The following RAB3GAP2 variants were observed in gnomAD, a reference collection of about 807,000 sequenced individuals.
The protein encoded by RAB3GAP2 is rab3 GTPase-activating protein non-catalytic subunit.
In RAB3GAP2, 87 loss-of-function variants were observed where a neutral mutation model predicts 185.3. That is an observed-to-expected ratio of 0.47 (90% confidence interval 0.39 to 0.56). The LOEUF is 0.56. Ranked by LOEUF, RAB3GAP2 falls within the 20% of genes least tolerant of loss-of-function variation. The pLI, the probability that RAB3GAP2 is intolerant of heterozygous loss-of-function variation, is 0.00. For synonymous variants in RAB3GAP2, 554 were observed against 576.1 expected, an observed-to-expected ratio of 0.96 and a Z score of 0.55; for missense variants, 1,492 against 1,638.2, an observed-to-expected ratio of 0.91 and a Z score of 1.54.
chr1:220,244,582 GAGCCCGCAT>G (rs1162632612), intron 1 of RAB3GAP2, among the ~76,000 whole-genome samples: 1 of 152,014 alleles, frequency 6.6e-6, no homozygotes, highest in African/African-American at 2.4e-5. Context: ...AACAAAAAAA[GAGCCCGCAT>G]AGCCAAAGCA....
intron 21 of RAB3GAP2, among the ~76,000 whole-genome samples, chr1:220,181,812 G>A (rs1359472289): frequency 1.3e-5 from 2 of 152,024 alleles, no homozygotes; most frequent in Non-Finnish European, 2.9e-5. Context: ...AGCTTTGAGC[G>A]GTCATGCGGG....
At chr1:220,181,047 C>T (rs908820020) in intron 21 of RAB3GAP2, among the ~76,000 whole-genome samples, 3 of 152,194 alleles carry the variant, frequency 2.0e-5, no homozygotes, top group East Asian at 3.8e-4. Flanking sequence ...ATTTACATTG[C>T]AGAAAGTATT....
intron 2 of RAB3GAP2, among the ~76,000 whole-genome samples, chr1:220,222,856 T>C (rs1019130225): frequency 5.3e-5 from 8 of 152,188 alleles, no homozygotes; most frequent in African/African-American, 1.4e-4. Context: ...ATGATGATCA[T>C]TTTTAGATGT....
At chr1:220,160,518 G>C (rs992854034) in intron 28 of RAB3GAP2, among the ~76,000 whole-genome samples, 2 of 152,156 alleles carry the variant, frequency 1.3e-5, no homozygotes, top group African/African-American at 4.8e-5. Flanking sequence ...CTTACCACAT[G>C]TGCCAGACCC....
In RAB3GAP2 at chr1:220,196,342, A is replaced by G; in HGVS notation, c.868T>C (p.Phe290Leu). 1.2e-6 allele frequency: 2 copies of G among 1,607,724 alleles called. No individual in the cohort carries two copies. The highest frequency in any genetic ancestry group is 1.7e-6 in the Non-Finnish European group (2 of 1,174,250). The change falls in exon 10 of 35, where the codon TTT becomes CTT. Residue 290 changes from phenylalanine to leucine, a missense_variant. Phe to Leu is a conservative substitution (Grantham distance 22). This residue lies in a region of RAB3GAP2 where 243 missense variants were observed against 314.8 expected (regional missense o/e 0.77). Transcript: ENST00000358951. Reference protein sequence around the residue: ...QMKTASNIGGFNAAIKNSPPA... With the variant: ...QMKTASNIGGLNAAIKNSPPA... Reference sequence around the variant, plus strand: ...GGACTATTTTTAATTGCTGCATTAAATCCACCTATATTGGAGGCAGTCTTC... The same window carrying G: ...GGACTATTTTTAATTGCTGCATTAAGTCCACCTATATTGGAGGCAGTCTTC...
chr1:220,166,407 AAGG>A (rs1457987903), intron 26 of RAB3GAP2, among the ~76,000 whole-genome samples: 9 of 152,232 alleles, frequency 5.9e-5, no homozygotes, highest in Admixed American at 5.9e-4. Context: ...GGAACTGACT[AAGG>A]AGGTCTAAGT....
At chr1:220,231,261 G>A (rs909176919) in intron 2 of RAB3GAP2, among the ~76,000 whole-genome samples, 4 of 152,122 alleles carry the variant, frequency 2.6e-5, no homozygotes, top group Non-Finnish European at 5.9e-5. Context: ...TTCCTGCCTT[G>A]AGACTTTGCA....
intron 1 of RAB3GAP2, among the ~76,000 whole-genome samples, chr1:220,264,431 AAG>A (rs1218236802): frequency 1.3e-5 from 2 of 152,064 alleles, no homozygotes; most frequent in Non-Finnish European, 1.5e-5. Flanking sequence ...TTACTATAAT[AAG>A]ACTACAAACG....
At chr1:220,152,627 G>C (rs1163923109) in intron 33 of RAB3GAP2, among the ~76,000 whole-genome samples, 1 of 152,094 alleles carries the variant, frequency 6.6e-6, no homozygotes, top group Admixed American at 6.6e-5. Context: ...TCTCCTTGGG[G>C]GCTCGGTTCA....
chr1:220,182,408 A>G, intron 20 of RAB3GAP2, 54 bp from the exon 21 acceptor site: 2 of 1,607,848 alleles, frequency 1.2e-6, no homozygotes, highest in Non-Finnish European at 1.7e-6. Context: ...CATTTGGACT[A>G]ACAATCTTAT....
intron 21 of RAB3GAP2, among the ~76,000 whole-genome samples, chr1:220,177,787 G>T (rs1249486611): frequency 6.6e-6 from 1 of 152,060 alleles, no homozygotes; most frequent in Non-Finnish European, 1.5e-5. Context: ...TGAATGAAAA[G>T]GAATGAACAA....
chr1:220,167,930 T>A (rs901154325), intron 24 of RAB3GAP2, among the ~76,000 whole-genome samples: 2 of 152,184 alleles, frequency 1.3e-5, no homozygotes, highest in Non-Finnish European at 2.9e-5. Flanking sequence ...TAAATGCACA[T>A]GCATATGTCT....
At chr1:220,160,210 G>C (rs186569965) in intron 28 of RAB3GAP2, among the ~76,000 whole-genome samples, 14 of 152,270 alleles carry the variant, frequency 9.2e-5, no homozygotes, top group African/African-American at 3.4e-4. Context: ...TACTTATTAA[G>C]ATTTTACTGT....
intron 21 of RAB3GAP2, among the ~76,000 whole-genome samples, chr1:220,175,239 T>C (rs565908676): frequency 4.2e-4 from 64 of 152,250 alleles, no homozygotes; most frequent in South Asian, 2.1e-3. Flanking sequence ...CTTTTCTTTT[T>C]TTTTTGAGAC....
intron 21 of RAB3GAP2, among the ~76,000 whole-genome samples, chr1:220,177,125 A>T (rs1658306377): frequency 6.6e-6 from 1 of 152,182 alleles, no homozygotes; most frequent in Non-Finnish European, 1.5e-5. Flanking sequence ...AGACTTCTGG[A>T]CCCAGGTCCC....
intron 2 of RAB3GAP2, among the ~76,000 whole-genome samples, chr1:220,221,467 G>A (rs898623289): frequency 6.6e-6 from 1 of 152,112 alleles, no homozygotes; most frequent in Non-Finnish European, 1.5e-5. Flanking sequence ...TCCTCTTTCT[G>A]ACACTACTAT....
intron 1 of RAB3GAP2, among the ~76,000 whole-genome samples, chr1:220,256,721 C>T (rs745822059): frequency 3.9e-5 from 6 of 152,190 alleles, no homozygotes; most frequent in Non-Finnish European, 8.8e-5. Flanking sequence ...AATATATATG[C>T]ACCCAATACA....
At chr1:220,183,018 C>A in intron 19 of RAB3GAP2, 87 bp from the exon 20 acceptor site, 1 of 1,147,386 alleles carries the variant, frequency 8.7e-7, no homozygotes, top group East Asian at 2.5e-5. Flanking sequence ...AAGCAAAAGT[C>A]GACTTTTTAA....
intron 23 of RAB3GAP2, among the ~76,000 whole-genome samples, chr1:220,171,567 G>A (rs1010995763): frequency 6.6e-6 from 1 of 152,166 alleles, no homozygotes; most frequent in Non-Finnish European, 1.5e-5. Context: ...GGCTGACAAT[G>A]TTAAGTGAAT....
Sources: allele counts gnomAD v4.1 joint callset (sites outside exome capture counted in the v4.1 genomes callset), GRCh38; gene constraint gnomAD v4.1.1; regional missense constraint gnomAD v4.1.1; transcripts MANE v1.5; gene names NCBI Gene and HGNC (gene_info 2026-07-23, HGNC 2026-07-21).